Variants in BRCA1 observed in about 807,000 individuals in gnomAD.
BRCA1 encodes breast cancer type 1 susceptibility protein.
Under a neutral mutation model 173.7 loss-of-function variants are expected in BRCA1, and 140 were observed. The observed-to-expected ratio is 0.81, with a 90% confidence interval of 0.70 to 0.93. The LOEUF (loss-of-function observed/expected upper bound fraction) is 0.93. Ranked by LOEUF, BRCA1 falls within the 40% of genes least tolerant of loss-of-function variation. The pLI is 0.00. For missense variants in BRCA1, 1,983 were observed against 2,172.5 expected, an observed-to-expected ratio of 0.91 and a Z score of 1.73; for synonymous variants, 662 against 756.0, an observed-to-expected ratio of 0.88 and a Z score of 2.04.
chr17:43,067,444 C>T (rs1353381400), intron 16 of BRCA1, 164 bp downstream of exon 16: 8 of 562,892 alleles, frequency 1.4e-5, no homozygotes, highest in Admixed American at 2.9e-5. Context: ...TTAGTAGAGA[C>T]GGGGTTTCAC....
chr17:43,095,893 G>A lies in BRCA1; in HGVS notation c.623C>T (p.Thr208Ile), dbSNP rs764499766. The A allele has an allele frequency of 6.2e-7, 1 of 1,613,792 alleles. No individual in the cohort carries two copies. Among genetic ancestry groups the A allele is most frequent in the South Asian group, 1.1e-5 (1 of 91,024 alleles). Residue 208 changes from threonine (T) to isoleucine (I), a missense_variant, in exon 9 of 23, where the codon ACC becomes ATC. Transcript: ENST00000357654. ...GATTTCATCCCTGGTTCCTTGAGGGGTGATTTGTAACAATTCTTGATCTCC... is the reference window on the plus strand; with the variant it reads ...GATTTCATCCCTGGTTCCTTGAGGGATGATTTGTAACAATTCTTGATCTCC... ...SVGDQELLQI[T>I]PQGTRDEISL...
At chr17:43,165,662 A>G (rs2056261717) in intron 1 of BRCA1, 1 of 151,862 alleles carries the variant, frequency 6.6e-6, no homozygotes, top group Non-Finnish European at 1.5e-5. Flanking sequence ...CAACCAGTTA[A>G]TTTGTTTCAG....
intron 1 of BRCA1, chr17:43,138,503 T>C (rs965437895): frequency 3.2e-6 from 2 of 633,054 alleles, no homozygotes; most frequent in Admixed American, 2.6e-5. Context: ...CCTTCTTCTT[T>C]TGCAAAGCCT....
Position 43,045,312 on chromosome 17 carries a change from G to A in BRCA1, c.*366C>T. ...ACTTAGGGAAACCAGCTATTCTCTTGAGGCCAAGCCACTCTGTGCTTCCAG... is the reference window on the plus strand; with the variant it reads ...ACTTAGGGAAACCAGCTATTCTCTTAAGGCCAAGCCACTCTGTGCTTCCAG... On this transcript the variant is annotated 3_prime_UTR_variant, in exon 23 of 23. Transcript: ENST00000357654. 1 of 560,748 alleles carries A rather than the reference G, an allele frequency of 1.8e-6. No homozygotes were observed. The highest frequency in any genetic ancestry group is 2.2e-5 in the Admixed American group (1 of 45,646). 34.7% of individuals were successfully genotyped at this position (560,748 alleles called of 1,614,324 possible).
intron 19 of BRCA1, among the ~76,000 whole-genome samples, chr17:43,051,620 G>A (rs2051241239): frequency 6.6e-6 from 1 of 151,672 alleles, no homozygotes; most frequent in Admixed American, 6.6e-5. Context: ...AGGTGTACAT[G>A]CTCCTTGTCT....
intron 14 of BRCA1, among the ~76,000 whole-genome samples, chr17:43,073,959 G>A (rs141094809): frequency 2.2e-4 from 34 of 152,132 alleles, no homozygotes; most frequent in African/African-American, 7.9e-4. Flanking sequence ...GTTTCACCAT[G>A]TTGGCCAGAC....
chr17:43,135,863 A>G (rs33988650), intron 1 of BRCA1, among the ~76,000 whole-genome samples: 48,226 of 152,104 alleles, frequency 0.32, 7,981 homozygotes, highest in South Asian at 0.49. Flanking sequence ...CCCCTTGAAG[A>G]TGCGGTCCCG....
intron 6 of BRCA1, 29 bp downstream of exon 6, chr17:43,104,092 GA>G: frequency 1.3e-6 from 2 of 1,584,904 alleles, no homozygotes; most frequent in Non-Finnish European, 1.7e-6. Flanking sequence ...AAAAGAAGAA[GA>G]AGAAGAAGAA....
chr17:43,130,251 C>T (rs540339656), upstream of BRCA1, among the ~76,000 whole-genome samples: 6 of 152,194 alleles, frequency 3.9e-5, no homozygotes, highest in African/African-American at 9.6e-5. Flanking sequence ...CCTAGGTTCA[C>T]GATCCTTCCA....
intron 22 of BRCA1, among the ~76,000 whole-genome samples, chr17:43,046,752 C>T (rs2050933461): frequency 7.6e-6 from 1 of 131,328 alleles, no homozygotes; most frequent in African/African-American, 2.7e-5. Context: ...AGTGAGACTC[C>T]ACCTCAAAAA....
At chr17:43,143,424 C>A (rs1480142530) in intron 1 of BRCA1, among the ~76,000 whole-genome samples, 2 of 152,138 alleles carry the variant, frequency 1.3e-5, no homozygotes, top group African/African-American at 4.8e-5. Flanking sequence ...TTGCTTAGAA[C>A]CCCCACAGCA....
At chr17:43,146,414 T>C (rs1484340061) in intron 1 of BRCA1, among the ~76,000 whole-genome samples, 6 of 146,150 alleles carry the variant, frequency 4.1e-5, no homozygotes, top group African/African-American at 1.5e-4. Context: ...GTTCACGCCA[T>C]TCTCCTGCCT....
chr17:43,045,830 T>G (rs1307223280), intron 22 of BRCA1, 28 bp from the exon 23 acceptor site: 1 of 1,614,036 alleles, frequency 6.2e-7, no homozygotes, highest in East Asian at 2.2e-5. Context: ...AAGCAGAGAT[T>G]AGTGTCAATT....
rs568108675 is a variant in BRCA1, at chr17:43,100,563, T to C, written c.442-683A>G. On this transcript the variant is annotated intron_variant, in intron 6 of 22. Coordinates refer to ENST00000357654, the MANE Select transcript of BRCA1 (RefSeq NM_007294.4). The stretch of plus-strand genomic sequence containing the variant: ...ATATATATGTGTGTGTGTGTGTATA[T>C]ATATATATAACATATATATAACATA... 5.6e-4 allele frequency among the ~76,000 whole-genome samples: 56 copies of C among 99,830 alleles called. 2 individuals carry two copies. Among genetic ancestry groups the C allele is most frequent in the Middle Eastern group, 4.3e-3 (1 of 230 alleles). The allele number at this position is 99,830 out of a possible 152,430, so 65.5% of individuals were successfully genotyped here.
chr17:43,105,477 G>A (rs531832963), intron 4 of BRCA1, among the ~76,000 whole-genome samples: 1 of 152,262 alleles, frequency 6.6e-6, no homozygotes, highest in East Asian at 1.9e-4. Flanking sequence ...CTGGCCTCAA[G>A]CAATCATCCC....
At chr17:43,130,012 G>C (rs545252688), upstream of BRCA1, among the ~76,000 whole-genome samples, 19 of 152,204 alleles carry the variant, frequency 1.2e-4, no homozygotes, top group Admixed American at 3.3e-4. Flanking sequence ...AGAAAACTGG[G>C]GGATAATTAT....
chr17:43,079,444 T>C, intron 12 of BRCA1: 1 of 1,511,650 alleles, frequency 6.6e-7, no homozygotes, highest in Non-Finnish European at 9.1e-7. Context: ...ACGGGTACTG[T>C]TCAAAAAGGA....
At chr17:43,083,904 C>T (rs528116803) in intron 11 of BRCA1, among the ~76,000 whole-genome samples, 1 of 152,066 alleles carries the variant, frequency 6.6e-6, no homozygotes, top group South Asian at 2.1e-4. Context: ...GCTCTGTTGC[C>T]CCAGGCTGGA....
Position 43,092,629 on chromosome 17 carries a change from G to A in BRCA1, c.2902C>T (p.Pro968Ser), listed in dbSNP as rs1182090591. ...FRGNETGLIT[P>S]NKHGLLQNPY... is the part of the protein sequence containing the mutation. ...TTTTGTAAAAGTCCATGTTTATTTG[G>A]AGTAATGAGTCCAGTTTCGTTGCCT... is the stretch of plus-strand genomic sequence containing the variant. Residue 968 changes from proline to serine, a missense_variant, in exon 10 of 23, where the codon CCA (proline) becomes TCA (serine). By Grantham distance (74) the Pro-to-Ser change is moderately conservative. Coordinates refer to ENST00000357654, the MANE Select transcript of BRCA1 (RefSeq NM_007294.4). 1.2e-6 allele frequency: 2 copies of A among 1,614,048 alleles called. No homozygotes were observed. The highest frequency in any genetic ancestry group is 3.3e-5 in the Admixed American group (2 of 59,992).
Sources: allele counts gnomAD v4.1 joint callset (sites outside exome capture counted in the v4.1 genomes callset), GRCh38; gene constraint gnomAD v4.1.1; transcripts MANE v1.5; gene names NCBI Gene and HGNC (gene_info 2026-07-23, HGNC 2026-07-21).